Variants in GSTCD observed in about 807,000 individuals in gnomAD.
The protein encoded by GSTCD is glutathione S-transferase C-terminal domain containing.
GSTCD carries 44 observed loss-of-function variants against 68.3 expected under a neutral mutation model. The observed-to-expected ratio is 0.64, with a 90% confidence interval of 0.51 to 0.83. The LOEUF (loss-of-function observed/expected upper bound fraction) is 0.83, where lower values mean the gene tolerates loss of function less well. Ranked by LOEUF, GSTCD falls within the 40% of genes least tolerant of loss-of-function variation. The probability of loss-of-function intolerance (pLI) is 0.00; values close to 1 mark genes in which losing one functional copy is unlikely to be tolerated. For missense variants in GSTCD, 739 were observed against 735.9 expected, an observed-to-expected ratio of 1.00 and a Z score of -0.05; for synonymous variants, 273 against 255.2, an observed-to-expected ratio of 1.07 and a Z score of -0.67.
At chr4:105,734,603 C>T (rs997064171) in intron 5 of GSTCD, among the ~76,000 whole-genome samples, 3 of 152,080 alleles carry the variant, frequency 2.0e-5, no homozygotes, top group Non-Finnish European at 2.9e-5. Flanking sequence ...CTTTTTGCAA[C>T]GTTTTTAGCT....
At chr4:105,722,472 GT>G (rs1732888614) in intron 3 of GSTCD, among the ~76,000 whole-genome samples, 1 of 151,932 alleles carries the variant, frequency 6.6e-6, no homozygotes, top group Non-Finnish European at 1.5e-5. Context: ...ATTTAGATAG[GT>G]TGTTTACTGT....
At chr4:105,711,125 A>C (rs1732521961) in intron 1 of GSTCD, 1 of 152,216 alleles carries the variant, frequency 6.6e-6, no homozygotes, top group Non-Finnish European at 1.5e-5. Flanking sequence ...GTAATAAAAT[A>C]GGGTACAATT....
chr4:105,731,007 T>C (rs914275425), intron 5 of GSTCD, among the ~76,000 whole-genome samples: 1 of 150,660 alleles, frequency 6.6e-6, no homozygotes, highest in African/African-American at 2.4e-5. Context: ...GAATTTCTTG[T>C]TTTTGTCAGG....
rs747446028 is a variant in GSTCD, at chr4:105,845,483, C to G, written c.1808C>G (p.Ala603Gly). 6 of 1,614,142 alleles carry G rather than the reference C, an allele frequency of 3.7e-6. No individual in the cohort carries two copies. The part of the protein sequence containing the change: ...MCLVDLDRAR[A>G]AEECGYSVQV... ...TTGGTGGATCTGGATCGAGCAAGAG[C>G]TGCAGAAGAATGTGGATACTCCGTT... The change falls in exon 12 of 12, where the codon GCT (alanine) becomes GGT (glycine). Residue 603 changes from alanine to glycine, a missense_variant. By Grantham distance (60) the Ala-to-Gly change is moderately conservative (BLOSUM62 0). Transcript: ENST00000515279.
intron 5 of GSTCD, among the ~76,000 whole-genome samples, chr4:105,733,303 T>G (rs2149215204): frequency 6.6e-6 from 1 of 152,280 alleles, no homozygotes; most frequent in African/African-American, 2.4e-5. Flanking sequence ...AAATCTCCCA[T>G]TATTATTGTG....
At chr4:105,794,283 A>G (rs1386226554) in intron 5 of GSTCD, among the ~76,000 whole-genome samples, 1 of 152,084 alleles carries the variant, frequency 6.6e-6, no homozygotes, top group African/African-American at 2.4e-5. Flanking sequence ...GGTGGAGCAC[A>G]GAGGATATTT....
intron 5 of GSTCD, among the ~76,000 whole-genome samples, chr4:105,747,300 A>G (rs775721634): frequency 1.3e-5 from 2 of 152,234 alleles, no homozygotes; most frequent in African/African-American, 2.4e-5. Context: ...GTCCTAAATC[A>G]TTACTTTTCA....
intron 5 of GSTCD, among the ~76,000 whole-genome samples, chr4:105,754,920 CT>C (rs1734127444): frequency 6.6e-6 from 1 of 151,682 alleles, no homozygotes; most frequent in Non-Finnish European, 1.5e-5. Flanking sequence ...CAGAAAATGA[CT>C]TAGAAAGTTG....
At chr4:105,721,165 G>T (rs1453434206) in intron 3 of GSTCD, among the ~76,000 whole-genome samples, 2 of 151,764 alleles carry the variant, frequency 1.3e-5, no homozygotes, top group East Asian at 1.9e-4. Context: ...GTAGAGATGG[G>T]GTTTCACCAT....
intron 5 of GSTCD, among the ~76,000 whole-genome samples, chr4:105,762,853 A>G (rs1285315291): frequency 6.6e-6 from 1 of 152,182 alleles, no homozygotes; most frequent in Non-Finnish European, 1.5e-5. Context: ...AAATAAATTT[A>G]GATTTTGAAA....
intron 5 of GSTCD, among the ~76,000 whole-genome samples, chr4:105,766,556 T>A (rs995222678): frequency 6.6e-6 from 1 of 152,212 alleles, no homozygotes; most frequent in African/African-American, 2.4e-5. Context: ...TCTGGTTTTT[T>A]TTCTTATTTA....
At position 105,748,825 on chromosome 4, in the gene GSTCD, C is replaced by T. The variant is rs1733904191; in HGVS notation, c.1240+19326C>T. Among the ~76,000 whole-genome samples, 3 of 151,758 alleles carry T rather than the reference C, an allele frequency of 2.0e-5. No homozygotes were observed. The South Asian group carries it at 6.2e-4, about 32-fold the overall frequency. ...CTGGGAGAAAGTTAGAGAAGTCAGCCAGAGTAATAGGAAAAATAATTTAAA... is the reference window on the plus strand; with the variant it reads ...CTGGGAGAAAGTTAGAGAAGTCAGCTAGAGTAATAGGAAAAATAATTTAAA... On this transcript the variant is annotated intron_variant, in intron 5 of 11. Transcript: ENST00000515279.
At chr4:105,798,999 C>G (rs776521465) in intron 5 of GSTCD, among the ~76,000 whole-genome samples, 4 of 152,218 alleles carry the variant, frequency 2.6e-5, no homozygotes, top group Non-Finnish European at 5.9e-5. Flanking sequence ...CATCACTTAT[C>G]TAGATCTTCT....
At chr4:105,744,958 A>G (rs148710262) in intron 5 of GSTCD, among the ~76,000 whole-genome samples, 2 of 152,314 alleles carry the variant, frequency 1.3e-5, no homozygotes, top group East Asian at 3.9e-4. Flanking sequence ...ATCAATATCT[A>G]CTGATACATC....
intron 5 of GSTCD, among the ~76,000 whole-genome samples, chr4:105,784,094 G>A (rs1735377850): frequency 6.6e-6 from 1 of 152,116 alleles, no homozygotes; most frequent in Non-Finnish European, 1.5e-5. Context: ...TAATGTTACT[G>A]TTTTTTACTT....
intron 10 of GSTCD, among the ~76,000 whole-genome samples, chr4:105,839,736 T>G (rs1399882219): frequency 6.6e-6 from 1 of 152,048 alleles, no homozygotes; most frequent in Non-Finnish European, 1.5e-5. Flanking sequence ...AAACAAAAAC[T>G]AGACCCCTGT....
intron 5 of GSTCD, among the ~76,000 whole-genome samples, chr4:105,816,331 A>T (rs139483152): frequency 1.3e-5 from 2 of 152,100 alleles, no homozygotes; most frequent in African/African-American, 2.4e-5. Context: ...TTTGCAACAA[A>T]TTGATTGCTC....
rs561628595 is a variant in GSTCD, at chr4:105,712,262, T to C, written c.-22+3246T>C. The stretch of plus-strand genomic sequence containing the variant: ...CAATTCAGGCAGTCAGGAGAGGCTG[T>C]TCTGAGTTAATATTTATGCAGAAAA... On this transcript the variant is annotated intron_variant, in intron 1 of 11. Coordinates refer to ENST00000515279, the MANE Select transcript of GSTCD (RefSeq NM_001370181.1). 2.0e-5 allele frequency among the ~76,000 whole-genome samples: 3 copies of C among 152,294 alleles called. No individual in the cohort carries two copies. The East Asian group carries it at 5.8e-4, about 29-fold the overall frequency.
At chr4:105,726,451 A>G (rs1733036919) in intron 3 of GSTCD, 128 bp from the exon 4 acceptor site, 3 of 632,790 alleles carry the variant, frequency 4.7e-6, no homozygotes, top group Non-Finnish European at 7.9e-6. Context: ...AACTGGATAC[A>G]TTTACTACAA....
Sources: gnomAD v4.1 joint callset for allele counts (sites outside exome capture counted in the v4.1 genomes callset) on GRCh38, gnomAD v4.1.1 for gene constraint, MANE v1.5 for transcripts, NCBI Gene and HGNC (gene_info 2026-07-23, HGNC 2026-07-21) for gene names.